Variants in NAV2 observed in about 807,000 individuals in gnomAD.
The protein encoded by NAV2 is helicase, APC down-regulated 1.
A neutral mutation model predicts 223.2 loss-of-function variants in NAV2; 54 were observed. The ratio of observed to expected loss-of-function variants is 0.24; its 90% CI spans 0.19 to 0.30. NAV2 has a LOEUF of 0.30. NAV2 is among the 10% of genes least tolerant of loss of function. The pLI, the probability that NAV2 is intolerant of heterozygous loss-of-function variation, is 1.00. For synonymous variants in NAV2, 1,279 were observed against 1,239.3 expected, an observed-to-expected ratio of 1.03 and a Z score of -0.67; for missense variants, 2,806 against 3,147.5, an observed-to-expected ratio of 0.89 and a Z score of 2.60.
At chr11:19,578,733 A>G (rs545434640) in intron 1 of NAV2, among the ~76,000 whole-genome samples, 15 of 152,378 alleles carry the variant, frequency 9.8e-5, no homozygotes, top group Non-Finnish European at 1.6e-4. Context: ...AAATCTGGCC[A>G]TAGCATTGAT....
In NAV2 at chr11:19,624,494, C is replaced by T. The variant is rs555078685; in HGVS notation, c.76-207990C>T. The stretch of plus-strand genomic sequence containing the variant: ...CCAGCCTCGCTACTGCCTTGCAGTT[C>T]GATCTCAGACTGCTCTGCTAGCAGT... On this transcript the variant is annotated intron_variant, in intron 1 of 37. Coordinates refer to the NAV2 transcript ENST00000360655. 6.6e-5 allele frequency among the ~76,000 whole-genome samples: 10 copies of T among 152,268 alleles called. No homozygotes were observed. In the East Asian group the frequency reaches 9.7e-4, roughly 15 times the overall value.
chr11:19,775,272 T>C (rs958386069), intron 1 of NAV2, among the ~76,000 whole-genome samples: 1 of 152,334 alleles, frequency 6.6e-6, no homozygotes, highest in Admixed American at 6.5e-5. Context: ...CTGTGCCCCT[T>C]CCCTTGAGAC....
At chr11:20,038,442 C>T (rs920009650) in intron 12 of NAV2, among the ~76,000 whole-genome samples, 2 of 152,216 alleles carry the variant, frequency 1.3e-5, no homozygotes, top group African/African-American at 4.8e-5. Context: ...ACTAAGATTT[C>T]TAACGCAATG....
chr11:19,577,662 C>T (rs1185048873), intron 1 of NAV2, among the ~76,000 whole-genome samples: 2 of 152,166 alleles, frequency 1.3e-5, no homozygotes, highest in African/African-American at 4.8e-5. Flanking sequence ...TAAATAGCTT[C>T]CTGGCATGGG....
At position 19,933,733 on chromosome 11, in the gene NAV2, G is replaced by A; in HGVS notation, c.1489G>A (p.Asp497Asn). 6.2e-7 allele frequency: 1 copy of A among 1,614,198 alleles called. No individual in the cohort carries two copies. Among genetic ancestry groups the A allele is most frequent in the South Asian group, 1.1e-5 (1 of 91,078 alleles). ...GAAGGAGAAACAACAGCGGGAGAAGGATAAGGAGAAAAGCAAGGACCTTGC... is the reference window on the plus strand; with the variant it reads ...GAAGGAGAAACAACAGCGGGAGAAGAATAAGGAGAAAAGCAAGGACCTTGC... ...KEKEKQQREK[D>N]KEKSKDLAKR... The change falls in exon 7 of 38, where the codon GAT becomes AAT. Residue 497 changes from aspartate (D) to asparagine (N), a missense_variant. Physicochemically the swap from Asp to Asn is conservative, Grantham distance 23. This residue lies in a region of NAV2 where 1,167 missense variants were observed against 1,180.5 expected (regional missense o/e 0.99). Transcript: ENST00000349880. The surrounding 1 kb of genome is among the most constrained non-coding windows in gnomAD (Gnocchi z 4.3).
intron 3 of NAV2, among the ~76,000 whole-genome samples, chr11:19,849,721 G>A (rs1174174438): frequency 6.6e-6 from 1 of 152,206 alleles, no homozygotes. Context: ...CACACATGTT[G>A]CAGAACCAAG....
At chr11:20,020,017 T>G (rs913071515) in intron 11 of NAV2, among the ~76,000 whole-genome samples, 5 of 147,146 alleles carry the variant, frequency 3.4e-5, no homozygotes, top group Non-Finnish European at 7.5e-5. Context: ...AAGTTTTTGT[T>G]TGATTTGATG....
chr11:20,037,216 G>T (rs1186635502), intron 12 of NAV2, among the ~76,000 whole-genome samples: 1 of 151,956 alleles, frequency 6.6e-6, no homozygotes, highest in Non-Finnish European at 1.5e-5. Context: ...AAGTCTCTCA[G>T]AGCAACCTTG....
intron 1 of NAV2, among the ~76,000 whole-genome samples, chr11:19,585,369 G>T (rs2045861593): frequency 6.6e-6 from 1 of 152,004 alleles, no homozygotes; most frequent in Non-Finnish European, 1.5e-5. Context: ...GGAGCATTTA[G>T]CCCATTTACA....
At chr11:19,363,057 G>A (rs907861340) in intron 1 of NAV2, among the ~76,000 whole-genome samples, 3 of 152,102 alleles carry the variant, frequency 2.0e-5, no homozygotes, top group Non-Finnish European at 4.4e-5. Flanking sequence ...AGGTATACAC[G>A]TGCCATGCTG....
At chr11:19,842,977 T>C in intron 3 of NAV2, 54 bp downstream of exon 3, 1 of 1,446,876 alleles carries the variant, frequency 6.9e-7, no homozygotes, top group Non-Finnish European at 9.7e-7. Flanking sequence ...GCCCTGCCTC[T>C]AAGTGATATT....
intron 1 of NAV2, among the ~76,000 whole-genome samples, chr11:19,608,722 T>C (rs371108886): frequency 1.3e-5 from 2 of 152,368 alleles, no homozygotes; most frequent in East Asian, 1.9e-4. Context: ...GAGCCAGCTC[T>C]ATTGGTTCCC....
chr11:20,008,760 T>A (rs1324934131), intron 11 of NAV2, among the ~76,000 whole-genome samples: 1 of 151,710 alleles, frequency 6.6e-6, no homozygotes, highest in Non-Finnish European at 1.5e-5. Context: ...CGCCTGCTTG[T>A]TTTGCTAGAT....
intron 1 of NAV2, among the ~76,000 whole-genome samples, chr11:19,395,565 A>G (rs1284073567): frequency 1.3e-5 from 2 of 152,192 alleles, no homozygotes. Context: ...AGGAGTCTGA[A>G]CCATGCAGGC....
At chr11:20,097,829 G>C (rs2153694306) in intron 31 of NAV2, 84 bp downstream of exon 31, 1 of 1,246,078 alleles carries the variant, frequency 8.0e-7, no homozygotes. Context: ...TGTGGCCCCA[G>C]TTTTGTTTGT....
intron 1 of NAV2, among the ~76,000 whole-genome samples, chr11:19,606,528 T>C (rs1052200795): frequency 1.3e-5 from 2 of 152,210 alleles, no homozygotes; most frequent in African/African-American, 4.8e-5. Context: ...TCCCAACTGC[T>C]TCAGCTAAAC....
At chr11:20,105,829 C>A in intron 35 of NAV2, 102 bp downstream of exon 35, 1 of 909,550 alleles carries the variant, frequency 1.1e-6, no homozygotes, top group Non-Finnish European at 1.7e-6. Context: ...TCAGCAGAAG[C>A]TGGACTGTCC....
At chr11:19,993,944 A>C (rs920276094) in intron 11 of NAV2, among the ~76,000 whole-genome samples, 1 of 152,190 alleles carries the variant, frequency 6.6e-6, no homozygotes, top group South Asian at 2.1e-4. Flanking sequence ...CCCTGTACTC[A>C]AGAAGCTTAC....
At chr11:20,064,934 C>T (rs2058945861) in intron 20 of NAV2, among the ~76,000 whole-genome samples, 1 of 152,132 alleles carries the variant, frequency 6.6e-6, no homozygotes. Context: ...TCTTCTGAGG[C>T]CCCTACAATC....
Sources: allele counts gnomAD v4.1 joint callset (sites outside exome capture counted in the v4.1 genomes callset), GRCh38; gene constraint gnomAD v4.1.1; regional missense constraint gnomAD v4.1.1; non-coding constraint Gnocchi (gnomAD v3.1); transcripts MANE v1.5; gene names NCBI Gene and HGNC (gene_info 2026-07-23, HGNC 2026-07-21).